GALNT13: variants seen among roughly 807,000 people sequenced by gnomAD.
GALNT13 encodes polypeptide N-acetylgalactosaminyltransferase 13.
In GALNT13, 28 loss-of-function variants were observed where a neutral mutation model predicts 64.2. The ratio of observed to expected loss-of-function variants is 0.44; its 90% CI spans 0.32 to 0.60. The LOEUF (loss-of-function observed/expected upper bound fraction) is 0.60. Ranked by LOEUF, GALNT13 falls within the 20% of genes least tolerant of loss-of-function variation. The pLI is 0.05. For synonymous variants in GALNT13, 214 were observed against 224.6 expected (o/e 0.95, Z 0.42); for missense variants, 577 against 669.8 (o/e 0.86, Z 1.53).
the GALNT13 span, among the ~76,000 whole-genome samples, chr2:153,071,883 C>G: frequency 5.9e-5 from 9 of 152,086 alleles, no homozygotes; most frequent in Non-Finnish European, 7.4e-5. Flanking sequence ...GCCCAGAAAG[C>G]CTAAAATAGT....
chr2:153,860,331 A>T, the GALNT13 span, among the ~76,000 whole-genome samples: 1 of 152,222 alleles, frequency 6.6e-6, no homozygotes, highest in Admixed American at 6.5e-5. Context: ...TTCATATATT[A>T]GCCACTTTAG....
chr2:153,093,045 T>C, the GALNT13 span, among the ~76,000 whole-genome samples: 2 of 150,452 alleles, frequency 1.3e-5, no homozygotes, highest in South Asian at 2.1e-4. Flanking sequence ...TTTTTGAGGT[T>C]TTTTTTTTAA....
the GALNT13 span, among the ~76,000 whole-genome samples, chr2:153,157,973 C>T: frequency 6.6e-6 from 1 of 151,558 alleles, no homozygotes; most frequent in African/African-American, 2.4e-5. Context: ...ACAGAAAGTT[C>T]ATAAAATAGT....
chr2:153,463,298 C>T, the GALNT13 span, among the ~76,000 whole-genome samples: 14 of 152,106 alleles, frequency 9.2e-5, no homozygotes, highest in Middle Eastern at 3.4e-3. Flanking sequence ...TATTAGGGAG[C>T]GGCCATATTC....
the GALNT13 span, among the ~76,000 whole-genome samples, chr2:153,518,513 T>C: frequency 6.6e-6 from 1 of 152,194 alleles, no homozygotes; most frequent in African/African-American, 2.4e-5. Context: ...AGACATGGGC[T>C]TGAATCATGT....
At chr2:154,084,957 A>G (rs1270225168) in intron 3 of GALNT13, among the ~76,000 whole-genome samples, 1 of 151,922 alleles carries the variant, frequency 6.6e-6, no homozygotes, top group Non-Finnish European at 1.5e-5. Context: ...ATTGCTTTCA[A>G]GTAATTTCAA....
At chr2:153,286,476 C>G in the GALNT13 span, among the ~76,000 whole-genome samples, 2 of 152,044 alleles carry the variant, frequency 1.3e-5, no homozygotes, top group Admixed American at 6.6e-5. Context: ...AACAATAATT[C>G]ATTTAGAATA....
At chr2:153,507,572 C>G in the GALNT13 span, among the ~76,000 whole-genome samples, 1 of 152,136 alleles carries the variant, frequency 6.6e-6, no homozygotes, top group Non-Finnish European at 1.5e-5. Flanking sequence ...AACCACCATG[C>G]CCAGGTGATG....
At chr2:153,896,081 A>ATATATATATATATTTTTTTTTTTTTTTTT (rs1574065409) in intron 1 of GALNT13, among the ~76,000 whole-genome samples, 32 of 136,850 alleles carry the variant, frequency 2.3e-4, no homozygotes, top group South Asian at 4.8e-4. Flanking sequence ...ATGATTTTAT[A>ATATATATATATATTTTTTTTTTTTTTTTT]TTTTTATGTT....
At chr2:153,800,091 C>A in the GALNT13 span, among the ~76,000 whole-genome samples, 1 of 109,072 alleles carries the variant, frequency 9.2e-6, no homozygotes, top group Non-Finnish European at 2.1e-5. Context: ...TCTCCACCCC[C>A]CACCACCACA....
At chr2:153,356,202 C>T in the GALNT13 span, among the ~76,000 whole-genome samples, 4 of 152,254 alleles carry the variant, frequency 2.6e-5, no homozygotes, top group Non-Finnish European at 5.9e-5. Flanking sequence ...ATATATCAGT[C>T]ACCCCAAAGA....
chr2:154,105,196 G>A (rs1317360724), intron 3 of GALNT13, among the ~76,000 whole-genome samples: 1 of 151,836 alleles, frequency 6.6e-6, no homozygotes, highest in African/African-American at 2.4e-5. Flanking sequence ...CAGCTTTCCA[G>A]TAGGGCCGTG....
At chr2:153,771,525 GA>G in the GALNT13 span, among the ~76,000 whole-genome samples, 1 of 152,090 alleles carries the variant, frequency 6.6e-6, no homozygotes, top group Admixed American at 6.5e-5. Context: ...CTGCAAAGGG[GA>G]TTGTGTAGTC....
the GALNT13 span, among the ~76,000 whole-genome samples, chr2:153,754,347 T>C: frequency 6.6e-6 from 1 of 151,390 alleles, no homozygotes; most frequent in Non-Finnish European, 1.5e-5. Flanking sequence ...CTCAATGTAG[T>C]ACCTGGGTAT....
At chr2:154,262,453 T>C (rs2105907099) in intron 8 of GALNT13, among the ~76,000 whole-genome samples, 1 of 152,314 alleles carries the variant, frequency 6.6e-6, no homozygotes, top group South Asian at 2.1e-4. Flanking sequence ...ATAATACACA[T>C]TCAATAGCAG....
intron 1 of GALNT13, among the ~76,000 whole-genome samples, chr2:153,896,265 C>G (rs1687890276): frequency 1.3e-5 from 2 of 150,218 alleles, no homozygotes; most frequent in African/African-American, 4.9e-5. Context: ...CTTTACATTG[C>G]TTAATTTTCT....
chr2:153,768,163 A>G, the GALNT13 span, among the ~76,000 whole-genome samples: 1 of 152,210 alleles, frequency 6.6e-6, no homozygotes, highest in Non-Finnish European at 1.5e-5. Context: ...ATTATTTGTT[A>G]TAATTTTGAG....
chr2:154,298,517 A>ATACATATATAAAATTGTATATAT (rs1559075190), intron 8 of GALNT13, among the ~76,000 whole-genome samples: 1 of 86,378 alleles, frequency 1.2e-5, no homozygotes, highest in Non-Finnish European at 2.4e-5. Flanking sequence ...TAAATTATAT[A>ATACATATATAAAATTGTATATAT]TTATATATAA....
chr2:153,786,226 C>G, the GALNT13 span, among the ~76,000 whole-genome samples: 1 of 152,174 alleles, frequency 6.6e-6, no homozygotes, highest in Non-Finnish European at 1.5e-5. Flanking sequence ...AACAACCCTT[C>G]TGGCACTGCA....
Sources: allele counts gnomAD v4.1 joint callset (sites outside exome capture counted in the v4.1 genomes callset), GRCh38; gene constraint gnomAD v4.1.1; transcripts MANE v1.5; gene names NCBI Gene and HGNC (gene_info 2026-07-23, HGNC 2026-07-21).